Variants in HPSE2 observed in about 807,000 individuals in gnomAD.
HPSE2 encodes inactive heparanase-2.
HPSE2 carries 38 observed loss-of-function variants against 60.5 expected under a neutral mutation model. The ratio of observed to expected loss-of-function variants is 0.63; its 90% confidence interval spans 0.48 to 0.82. The LOEUF (loss-of-function observed/expected upper bound fraction) is 0.82. HPSE2 is among the 40% of genes least tolerant of loss of function. The pLI, the probability that HPSE2 is intolerant of heterozygous loss-of-function variation, is 0.00. For missense variants in HPSE2, 713 were observed against 740.4 expected (o/e 0.96, Z 0.43); for synonymous variants, 295 against 293.2 (o/e 1.01, Z -0.06).
At chr10:99,005,697 T>C (rs943452347) in intron 3 of HPSE2, among the ~76,000 whole-genome samples, 1 of 152,172 alleles carries the variant, frequency 6.6e-6, no homozygotes, top group Non-Finnish European at 1.5e-5. Flanking sequence ...TTGTACTCTT[T>C]TGGTAGTGTT....
At chr10:98,794,688 T>A (rs1262356907) in intron 3 of HPSE2, among the ~76,000 whole-genome samples, 1 of 152,162 alleles carries the variant, frequency 6.6e-6, no homozygotes, top group African/African-American at 2.4e-5. Context: ...GAGATTAGAT[T>A]CAGGTGACAC....
At chr10:98,766,348 C>T (rs554887229) in intron 3 of HPSE2, among the ~76,000 whole-genome samples, 1 of 152,292 alleles carries the variant, frequency 6.6e-6, no homozygotes, top group East Asian at 1.9e-4. Flanking sequence ...GACACCAATT[C>T]TACATCAGTA....
intron 7 of HPSE2, among the ~76,000 whole-genome samples, chr10:98,622,538 T>G (rs767319949): frequency 1.1e-4 from 16 of 152,190 alleles, no homozygotes; most frequent in African/African-American, 1.4e-4. Context: ...CTCTTTTCAT[T>G]TCTAGTGAGG....
At chr10:98,502,454 T>C (rs1405807626) in intron 9 of HPSE2, among the ~76,000 whole-genome samples, 1 of 152,122 alleles carries the variant, frequency 6.6e-6, no homozygotes, top group East Asian at 1.9e-4. Flanking sequence ...AGGGGAAACG[T>C]TACACTTTTC....
intron 3 of HPSE2, among the ~76,000 whole-genome samples, chr10:98,951,415 AG>A (rs1169505759): frequency 6.6e-6 from 1 of 152,198 alleles, no homozygotes; most frequent in Non-Finnish European, 1.5e-5. Context: ...TGTTCTTCCA[AG>A]GAAGTGTCCC....
intron 2 of HPSE2, among the ~76,000 whole-genome samples, chr10:99,154,881 A>G (rs1846465771): frequency 6.6e-6 from 1 of 152,156 alleles, no homozygotes; most frequent in African/African-American, 2.4e-5. Flanking sequence ...AGACACACAT[A>G]GGCTCAAAAT....
chr10:98,716,347 CA>C (rs1195941138), intron 5 of HPSE2, among the ~76,000 whole-genome samples: 1 of 151,834 alleles, frequency 6.6e-6, no homozygotes, highest in Non-Finnish European at 1.5e-5. Context: ...TTTCATCTAG[CA>C]TTAGGTGCAG....
chr10:99,306,374 G>A, the HPSE2 span, among the ~76,000 whole-genome samples: 1 of 152,014 alleles, frequency 6.6e-6, no homozygotes, highest in African/African-American at 2.4e-5. Flanking sequence ...AACCACGTAA[G>A]CCCTGGCCAA....
At chr10:98,583,060 C>T (rs1019812267) in intron 9 of HPSE2, among the ~76,000 whole-genome samples, 8 of 152,136 alleles carry the variant, frequency 5.3e-5, no homozygotes, top group African/African-American at 1.7e-4. Context: ...GTCACAAATG[C>T]CTACTCCGGG....
intron 3 of HPSE2, among the ~76,000 whole-genome samples, chr10:99,078,166 C>T (rs1057042891): frequency 6.6e-6 from 1 of 152,162 alleles, no homozygotes; most frequent in East Asian, 1.9e-4. Flanking sequence ...CAAAATAAAA[C>T]ATCTTTTCTT....
At chr10:98,544,065 A>G (rs1313658842) in intron 9 of HPSE2, among the ~76,000 whole-genome samples, 3 of 151,600 alleles carry the variant, frequency 2.0e-5, no homozygotes, top group East Asian at 3.9e-4. Flanking sequence ...TCCAAAATTG[A>G]CCACATAGTT....
chr10:98,909,897 T>C (rs1041593730), intron 3 of HPSE2, among the ~76,000 whole-genome samples: 2 of 152,050 alleles, frequency 1.3e-5, no homozygotes, highest in African/African-American at 4.8e-5. Context: ...TAATGAAAAC[T>C]CTGATGACAC....
intron 3 of HPSE2, among the ~76,000 whole-genome samples, chr10:98,911,174 A>G (rs924041256): frequency 6.6e-6 from 1 of 152,186 alleles, no homozygotes; most frequent in Non-Finnish European, 1.5e-5. Context: ...TTGGGATTGT[A>G]TTTCTTTGAG....
chr10:99,234,492 A>G (rs2133956557), intron 1 of HPSE2, among the ~76,000 whole-genome samples: 1 of 152,346 alleles, frequency 6.6e-6, no homozygotes, highest in East Asian at 1.9e-4. Context: ...CTGAGGCTCC[A>G]ACTTGTAGGG....
chr10:98,794,302 G>C (rs1950724068), intron 3 of HPSE2, among the ~76,000 whole-genome samples: 1 of 149,748 alleles, frequency 6.7e-6, no homozygotes. Flanking sequence ...ATGCAGTGGT[G>C]AGATCTGAGC....
chr10:98,908,062 T>A (rs1420368509), intron 3 of HPSE2, among the ~76,000 whole-genome samples: 6 of 152,218 alleles, frequency 3.9e-5, no homozygotes, highest in African/African-American at 1.4e-4. Flanking sequence ...ATAAGACTGA[T>A]GAGTGACTTG....
intron 9 of HPSE2, among the ~76,000 whole-genome samples, chr10:98,497,254 T>A (rs1369574484): frequency 6.6e-6 from 1 of 152,164 alleles, no homozygotes; most frequent in Non-Finnish European, 1.5e-5. Flanking sequence ...ACTTTTTTCC[T>A]CATCAACATT....
intron 3 of HPSE2, among the ~76,000 whole-genome samples, chr10:98,748,642 C>T (rs1021951821): frequency 2.0e-5 from 3 of 152,066 alleles, no homozygotes; most frequent in African/African-American, 7.2e-5. Context: ...TCAGTGCTGA[C>T]AGTTGATGCT....
chr10:98,899,288 T>A (rs976825375), intron 3 of HPSE2, among the ~76,000 whole-genome samples: 1 of 152,164 alleles, frequency 6.6e-6, no homozygotes, highest in Non-Finnish European at 1.5e-5. Flanking sequence ...AACAAAAGCA[T>A]AGTCTATTTT....
Sources: allele counts gnomAD v4.1 joint callset (sites outside exome capture counted in the v4.1 genomes callset), GRCh38; gene constraint gnomAD v4.1.1; transcripts MANE v1.5; gene names NCBI Gene and HGNC (gene_info 2026-07-23, HGNC 2026-07-21).